The following FARS2 variants were observed in gnomAD, a reference collection of about 807,000 sequenced individuals.
The protein encoded by FARS2 is phenylalanyl-tRNA synthetase 2, mitochondrial, also known as phenylalanine--tRNA ligase, mitochondrial.
FARS2 carries 40 observed loss-of-function variants against 46.4 expected under a neutral mutation model. That is an observed-to-expected ratio of 0.86 (90% confidence interval 0.67 to 1.12). The LOEUF is 1.12. FARS2 is among the 50% of genes most tolerant of loss of function. The pLI is 0.00. For missense variants in FARS2, 513 were observed against 567.9 expected (o/e 0.90, Z 0.98); for synonymous variants, 234 against 214.9 (o/e 1.09, Z -0.78).
intron 6 of FARS2, among the ~76,000 whole-genome samples, chr6:5,666,692 C>T (rs1778139511): frequency 1.3e-5 from 2 of 152,178 alleles, no homozygotes; most frequent in Non-Finnish European, 2.9e-5. Flanking sequence ...AAAAACAGAA[C>T]TAACATTTGA....
At chr6:5,404,295 C>G (rs1474311582) in intron 2 of FARS2, among the ~76,000 whole-genome samples, 2 of 152,188 alleles carry the variant, frequency 1.3e-5, no homozygotes. Flanking sequence ...AAATCAAAAA[C>G]AGATTAGCAA....
At chr6:5,392,150 G>A (rs1457982460) in intron 2 of FARS2, among the ~76,000 whole-genome samples, 2 of 152,224 alleles carry the variant, frequency 1.3e-5, no homozygotes, top group African/African-American at 2.4e-5. Context: ...CTGGACTGAT[G>A]TCTAATTGGC....
intron 1 of FARS2, among the ~76,000 whole-genome samples, chr6:5,296,367 T>A (rs139593870): frequency 0.03 from 4,583 of 152,204 alleles, 229 homozygotes; most frequent in African/African-American, 0.1. Context: ...GGTCTCGATC[T>A]CCTGACCTCG....
At chr6:5,292,374 G>A (rs765182642) in intron 1 of FARS2, among the ~76,000 whole-genome samples, 1 of 152,214 alleles carries the variant, frequency 6.6e-6, no homozygotes, top group African/African-American at 2.4e-5. Context: ...AGAGAACTAC[G>A]TTTGTGTTGT....
At chr6:5,285,823 G>C (rs1014403610) in intron 1 of FARS2, among the ~76,000 whole-genome samples, 1 of 152,214 alleles carries the variant, frequency 6.6e-6, no homozygotes, top group African/African-American at 2.4e-5. Flanking sequence ...GAGGCCTCGC[G>C]GCATTCCCTG....
intron 6 of FARS2, among the ~76,000 whole-genome samples, chr6:5,674,733 C>A (rs1281528259): frequency 2.0e-5 from 3 of 152,134 alleles, no homozygotes; most frequent in Non-Finnish European, 4.4e-5. Context: ...TGCCTATAAC[C>A]TAAATGAGAT....
In FARS2 at chr6:5,771,034, G is replaced by A. The variant is rs139098331; in HGVS notation, c.1218-257G>A. On this transcript the variant is annotated intron_variant, in intron 6 of 6. Transcript: ENST00000274680. ...GAGCGTGGCCTGGGAAATCAAATTTGTCAGCTTCCTTCCCAGGGGACTTTG... is the reference window on the plus strand; with the variant it reads ...GAGCGTGGCCTGGGAAATCAAATTTATCAGCTTCCTTCCCAGGGGACTTTG... Among the ~76,000 whole-genome samples, 1,216 of 152,286 alleles carry A rather than the reference G, an allele frequency of 8.0e-3. 15 individuals carry two copies. The highest frequency in any genetic ancestry group is 0.011 in the Non-Finnish European group (779 of 68,020).
Position 5,587,222 on chromosome 6 carries a change from G to A in FARS2, c.1066-25947G>A, listed in dbSNP as rs1773665692. 2.0e-5 allele frequency among the ~76,000 whole-genome samples: 3 copies of A among 152,194 alleles called. No homozygotes were observed. In the South Asian group the frequency reaches 6.2e-4, roughly 31 times the overall value. ...TCATAAAGGTGGTATTAAGGAATAT[G>A]TAAAACAGTAAATGTCAAAATATCC... On this transcript the variant is annotated intron_variant, in intron 5 of 6. Coordinates refer to ENST00000274680, the MANE Select transcript of FARS2 (RefSeq NM_006567.5).
intron 4 of FARS2, among the ~76,000 whole-genome samples, chr6:5,444,254 G>A (rs1305193437): frequency 6.6e-6 from 1 of 151,996 alleles, no homozygotes; most frequent in Admixed American, 6.5e-5. Flanking sequence ...GGATCACAAG[G>A]TCAGGAGTTC....
chr6:5,576,809 C>G (rs1773012594), intron 5 of FARS2, among the ~76,000 whole-genome samples: 1 of 151,764 alleles, frequency 6.6e-6, no homozygotes, highest in Non-Finnish European at 1.5e-5. Context: ...GAATTTTATT[C>G]AATGAGTAGC....
At chr6:5,673,174 A>G (rs1778568299) in intron 6 of FARS2, among the ~76,000 whole-genome samples, 1 of 152,330 alleles carries the variant, frequency 6.6e-6, no homozygotes, top group South Asian at 2.1e-4. Flanking sequence ...GGAAGCACAA[A>G]CCAATTAGAG....
chr6:5,262,444 A>G lies in FARS2; in HGVS notation c.-22+784A>G, dbSNP rs960735178. ...CAGGCGCGCGCTACCTCGCCCAGCT[A>G]ATTTTTGTATTTTTAGTAGAGACAG... On this transcript the variant is annotated intron_variant, in intron 1 of 6. Coordinates refer to ENST00000274680, the MANE Select transcript of FARS2 (RefSeq NM_006567.5). Among the ~76,000 whole-genome samples, 13 of 151,910 alleles carry G rather than the reference A, an allele frequency of 8.6e-5. No homozygotes were observed. In the South Asian group the frequency reaches 2.7e-3, roughly 32 times the overall value.
At position 5,547,649 on chromosome 6, in the gene FARS2, G is replaced by A. The variant is rs150527818; in HGVS notation, c.1065+2309G>A. Among the ~76,000 whole-genome samples, 224 of 152,316 alleles carry A rather than the reference G, an allele frequency of 1.5e-3. 1 individual carries two copies. Among genetic ancestry groups the A allele is most frequent in the Non-Finnish European group, 2.4e-3 (163 of 68,026 alleles). ...CCAGCTTCTTCCACCACCAGCGTTT[G>A]TAAGCAGAAATATTATGAAGGAGAA... On this transcript the variant is annotated intron_variant, in intron 5 of 6. Transcript: ENST00000274680.
At chr6:5,696,791 C>A (rs975315423) in intron 6 of FARS2, among the ~76,000 whole-genome samples, 1 of 151,954 alleles carries the variant, frequency 6.6e-6, no homozygotes, top group African/African-American at 2.4e-5. Flanking sequence ...TAATAAAATG[C>A]TCATTTCTAA....
chr6:5,412,976 T>C (rs902314617), intron 3 of FARS2, among the ~76,000 whole-genome samples: 7 of 152,198 alleles, frequency 4.6e-5, no homozygotes, highest in Non-Finnish European at 8.8e-5. Flanking sequence ...GATCATTAAC[T>C]GTGAAAAGTG....
intron 2 of FARS2, among the ~76,000 whole-genome samples, chr6:5,377,941 C>G (rs998296538): frequency 6.6e-6 from 1 of 151,994 alleles, no homozygotes; most frequent in Non-Finnish European, 1.5e-5. Flanking sequence ...AACCTTACAC[C>G]TTAACAAATG....
intron 5 of FARS2, among the ~76,000 whole-genome samples, chr6:5,603,602 A>G (rs6935073): frequency 0.31 from 46,879 of 152,074 alleles, 8,733 homozygotes; most frequent in African/African-American, 0.53. Flanking sequence ...TTGCTGGCAC[A>G]CTTTGGCATT....
chr6:5,584,721 G>A (rs113367150), intron 5 of FARS2, among the ~76,000 whole-genome samples: 166 of 152,096 alleles, frequency 1.1e-3, no homozygotes, highest in African/African-American at 3.7e-3. Flanking sequence ...CCCAAATAGC[G>A]TTTAATGAAG....
chr6:5,583,964 T>C (rs1773472916), intron 5 of FARS2, among the ~76,000 whole-genome samples: 1 of 152,192 alleles, frequency 6.6e-6, no homozygotes, highest in African/African-American at 2.4e-5. Flanking sequence ...TCAATGGCTT[T>C]TTTATCCAAT....
Sources: gnomAD v4.1 joint callset for allele counts (sites outside exome capture counted in the v4.1 genomes callset) on GRCh38, gnomAD v4.1.1 for gene constraint, MANE v1.5 for transcripts, NCBI Gene and HGNC (gene_info 2026-07-23, HGNC 2026-07-21) for gene names.